Variants in PCDHGA4 observed in about 807,000 individuals in gnomAD.
The protein encoded by PCDHGA4 is protocadherin gamma subfamily A, 4.
In PCDHGA4, 38 loss-of-function variants were observed where a neutral mutation model predicts 54.6. The ratio of observed to expected loss-of-function variants is 0.70; its 90% CI spans 0.54 to 0.91. The LOEUF is 0.91. PCDHGA4 is among the 40% of genes least tolerant of loss of function. The pLI, the probability that PCDHGA4 is intolerant of heterozygous loss-of-function variation, is 0.00. For synonymous variants in PCDHGA4, 511 were observed against 512.9 expected, an observed-to-expected ratio of 1.00 and a Z score of 0.05; for missense variants, 1,298 against 1,220.9, an observed-to-expected ratio of 1.06 and a Z score of -0.94.
intron 1 of PCDHGA4, among the ~76,000 whole-genome samples, chr5:141,469,345 G>A (rs2099197832): frequency 6.6e-6 from 1 of 152,128 alleles, no homozygotes; most frequent in Non-Finnish European, 1.5e-5. Context: ...GGGAGGCTGA[G>A]GTGGATGGAT....
chr5:141,487,377 C>G lies in PCDHGA4; in HGVS notation c.2515-7430C>G, dbSNP rs758216933. On this transcript the variant is annotated intron_variant, in intron 1 of 3. Coordinates refer to ENST00000571252, the MANE Select transcript of PCDHGA4 (RefSeq NM_018917.4). This position sits in a 1 kb window ranked among gnomAD's most constrained non-coding sequence, Gnocchi z 5.0. ...CCTGCTGGCACCTGTGCCTGTCTCA[C>G]CAGATCTCGAAGGAGGGAGGGGCTT... 6.2e-7 allele frequency: 1 copy of G among 1,614,190 alleles called. No individual in the cohort carries two copies. The highest frequency in any genetic ancestry group is 1.1e-5 in the South Asian group (1 of 91,086).
Position 141,499,029 on chromosome 5 carries a change from A to AAGGAAGG in PCDHGA4, c.2573+4165_2573+4166insGGAAGGA, listed in dbSNP as rs1562187768. Among the ~76,000 whole-genome samples, 348 of 140,068 alleles carry AAGGAAGG rather than the reference A, an allele frequency of 2.5e-3. 2 individuals carry two copies. The highest frequency in any genetic ancestry group is 9.3e-3 in the African/African-American group (335 of 36,066). The allele number at this position is 140,068 out of a possible 152,430, so 91.9% of individuals were successfully genotyped here. ...GGAAGGAAGGAAGGAAGGAAGGAAG[A>AAGGAAGG]AAAGAAAGAAAAAGGGAGAAAAAAT... is the stretch of plus-strand genomic sequence containing the variant. On this transcript the variant is annotated intron_variant, in intron 2 of 3. Transcript: ENST00000571252.
Position 141,489,828 on chromosome 5 carries a change from A to G in PCDHGA4, c.2515-4979A>G. The G allele has an allele frequency of 1.9e-6, 3 of 1,614,010 alleles. No homozygotes were observed. The highest frequency in any genetic ancestry group is 1.1e-5 in the South Asian group (1 of 91,080). ...GGAAGCCATTCCCAGAGCTGGTGCTAGAGCAGCAGCTGGATCGTGAAGCCC... is the reference window on the plus strand; with the variant it reads ...GGAAGCCATTCCCAGAGCTGGTGCTGGAGCAGCAGCTGGATCGTGAAGCCC... On this transcript the variant is annotated intron_variant, in intron 1 of 3. Transcript: ENST00000571252. The surrounding 1 kb of genome is among the most constrained non-coding windows in gnomAD (Gnocchi z 4.5).
chr5:141,423,184 C>A (rs747938944), intron 1 of PCDHGA4: 1 of 1,613,442 alleles, frequency 6.2e-7, no homozygotes, highest in South Asian at 1.1e-5. Flanking sequence ...CCACGGCCAG[C>A]CCCCTCTCTC....
chr5:141,384,598 C>T lies in PCDHGA4; in HGVS notation c.2514+26977C>T, dbSNP rs1451402043. On this transcript the variant is annotated intron_variant, in intron 1 of 3. Transcript: ENST00000571252. ...CCCGCCCGAGATCCTGTACCCGGCCCTCCCCACAGATGGTTCTACTGGCAT... is the reference window on the plus strand; with the variant it reads ...CCCGCCCGAGATCCTGTACCCGGCCTTCCCCACAGATGGTTCTACTGGCAT... 2.5e-6 allele frequency: 4 copies of T among 1,614,138 alleles called. No individual in the cohort carries two copies. The African/African-American group carries it at 5.3e-5, about 22-fold the overall frequency.
At position 141,476,090 on chromosome 5, in the gene PCDHGA4, C is replaced by T; in HGVS notation, c.2515-18717C>T. On this transcript the variant is annotated intron_variant, in intron 1 of 3. Coordinates refer to ENST00000571252, the MANE Select transcript of PCDHGA4 (RefSeq NM_018917.4). The surrounding 1 kb of genome is among the most constrained non-coding windows in gnomAD (Gnocchi z 7.6). ...GAAATCTCAGGGACGATCTGGACCC[C>T]GCTGAGAGGAACTGCTTTTGAGTGA... 3 of 1,562,222 alleles carry T rather than the reference C, an allele frequency of 1.9e-6. No individual in the cohort carries two copies. Among genetic ancestry groups the T allele is most frequent in the African/African-American group, 1.4e-5 (1 of 73,764 alleles).
At chr5:141,508,906 G>A (rs2099872897) in intron 3 of PCDHGA4, among the ~76,000 whole-genome samples, 1 of 152,092 alleles carries the variant, frequency 6.6e-6, no homozygotes, top group Non-Finnish European at 1.5e-5. Context: ...CGGGGCGGTG[G>A]CGGATCTGGC....
Position 141,431,303 on chromosome 5 carries a change from G to A in PCDHGA4, c.2515-63504G>A, listed in dbSNP as rs777784010. 2 of 1,613,942 alleles carry A rather than the reference G, an allele frequency of 1.2e-6. No homozygotes were observed. The highest frequency in any genetic ancestry group is 2.7e-5 in the African/African-American group (2 of 74,916). ...CCCGAACACTCACTTCTCCCTCATC[G>A]TGCAAAATGGAGCCGACGGTAGTAA... On this transcript the variant is annotated intron_variant, in intron 1 of 3. Transcript: ENST00000571252. The surrounding 1 kb of genome is among the most constrained non-coding windows in gnomAD (Gnocchi z 4.8).
At chr5:141,458,787 C>A (rs968490647) in intron 1 of PCDHGA4, among the ~76,000 whole-genome samples, 1 of 152,004 alleles carries the variant, frequency 6.6e-6, no homozygotes, top group African/African-American at 2.4e-5. Flanking sequence ...GGCTGGAGTG[C>A]AGTGGTGTGA....
chr5:141,499,012 G>GGAAGGAAT, intron 2 of PCDHGA4, among the ~76,000 whole-genome samples: 1 of 147,618 alleles, frequency 6.8e-6, no homozygotes. Context: ...AAGGAAGGAA[G>GGAAGGAAT]GAAGGAAGGA....
Position 141,356,995 on chromosome 5 carries a change from G to A in PCDHGA4, c.1888G>A (p.Gly630Ser), listed in dbSNP as rs372951385. The A allele has an allele frequency of 6.2e-7, 1 of 1,614,184 alleles. No individual in the cohort carries two copies. Among genetic ancestry groups the A allele is most frequent in the East Asian group, 2.2e-5 (1 of 44,872 alleles). The change falls in exon 1 of 4, where the codon GGT becomes AGT. Residue 630 changes from glycine to serine, a missense_variant. Coordinates refer to ENST00000571252, the MANE Select transcript of PCDHGA4 (RefSeq NM_018917.4). ...TKVVAVDRDS[G>S]QNAWLSYSLL... ...AGTGGTGGCAGTGGACAGAGACTCA[G>A]GTCAGAATGCCTGGCTGTCCTACAG...
chr5:141,356,082 G>A lies in PCDHGA4; in HGVS notation c.975G>A (p.Leu325=). Residue 325 remains leucine, a synonymous_variant, in exon 1 of 4, where the codon TTG becomes TTA. Transcript: ENST00000571252. ...VRDKISQLFQ[L]NSLSGDITIL... ...ACAAAATATCACAGCTATTTCAGTT[G>A]AATTCTCTGAGTGGGGATATAACAA... The A allele has an allele frequency of 2.5e-6, 4 of 1,613,870 alleles. No individual in the cohort carries two copies. The highest frequency in any genetic ancestry group is 3.4e-6 in the Non-Finnish European group (4 of 1,179,868).
rs768079276 is a variant in PCDHGA4, at chr5:141,490,997, G to A, written c.2515-3810G>A. On this transcript the variant is annotated intron_variant, in intron 1 of 3. Transcript: ENST00000571252. The surrounding 1 kb of genome is among the most constrained non-coding windows in gnomAD (Gnocchi z 5.4). ...CGTCTCCCTCGCTCTGCTCCTCCTG[G>A]CTCCTTGGTCACCAAGGTGACAGCC... 1.2e-6 allele frequency: 2 copies of A among 1,614,032 alleles called. No individual in the cohort carries two copies. Among genetic ancestry groups the A allele is most frequent in the Admixed American group, 1.7e-5 (1 of 60,030 alleles).
intron 1 of PCDHGA4, chr5:141,362,079 T>C (rs755962280): frequency 1.7e-5 from 28 of 1,612,646 alleles, no homozygotes; most frequent in Admixed American, 1.7e-4. Context: ...CTGTGCGTGA[T>C]GGAGGACAGC....
At position 141,486,257 on chromosome 5, in the gene PCDHGA4, A is replaced by C; in HGVS notation, c.2515-8550A>C. 6.2e-7 allele frequency: 1 copy of C among 1,614,032 alleles called. No individual in the cohort carries two copies. The highest frequency in any genetic ancestry group is 8.5e-7 in the Non-Finnish European group (1 of 1,179,982). On this transcript the variant is annotated intron_variant, in intron 1 of 3. Transcript: ENST00000571252. The surrounding 1 kb of genome is among the most constrained non-coding windows in gnomAD (Gnocchi z 5.0). ...CTCAGAGCTTGGAACCCTCCCCGAG[A>C]GTGCAGAACCTGGCACTGTGGTGGC... is the stretch of plus-strand genomic sequence containing the variant.
In PCDHGA4 at chr5:141,398,692, A is replaced by G. The variant is rs150385715; in HGVS notation, c.2514+41071A>G. 1.9e-3 allele frequency: 3,041 copies of G among 1,613,942 alleles called. 6 individuals carry two copies. Among genetic ancestry groups the G allele is most frequent in the Non-Finnish European group, 2.3e-3 (2,760 of 1,179,898 alleles). On this transcript the variant is annotated intron_variant, in intron 1 of 3. Coordinates refer to ENST00000571252, the MANE Select transcript of PCDHGA4 (RefSeq NM_018917.4). The stretch of plus-strand genomic sequence containing the variant: ...AATAATTAAGGAGAAACAGGATGGT[A>G]GTAAATACCCGGAACTGGCACTGGA...
At chr5:141,452,781 A>G (rs575869415) in intron 1 of PCDHGA4, among the ~76,000 whole-genome samples, 10 of 152,302 alleles carry the variant, frequency 6.6e-5, no homozygotes, top group African/African-American at 2.4e-4. Flanking sequence ...CTGAGAAAGT[A>G]ACATACCATC....
At chr5:141,413,922 A>G (rs769177990) in intron 1 of PCDHGA4, 2 of 1,613,458 alleles carry the variant, frequency 1.2e-6, no homozygotes, top group Non-Finnish European at 1.7e-6. Context: ...TCACCTTGCC[A>G]GAATACCGAG....
At chr5:141,400,065 A>G (rs1012484805) in intron 1 of PCDHGA4, 3 of 1,613,758 alleles carry the variant, frequency 1.9e-6, no homozygotes, top group African/African-American at 1.3e-5. Flanking sequence ...GTGATGGTGG[A>G]CAGCCGCCAC....
Sources: gnomAD v4.1 joint callset for allele counts (sites outside exome capture counted in the v4.1 genomes callset) on GRCh38, gnomAD v4.1.1 for gene constraint, Gnocchi (gnomAD v3.1) non-coding constraint, MANE v1.5 for transcripts, NCBI Gene and HGNC (gene_info 2026-07-23, HGNC 2026-07-21) for gene names.